BICD1: variants seen among roughly 807,000 people sequenced by gnomAD.
BICD1 encodes protein bicaudal D homolog 1.
Under a neutral mutation model 92.5 loss-of-function variants are expected in BICD1, and 35 were observed. The ratio of observed to expected loss-of-function variants is 0.38; its 90% confidence interval spans 0.29 to 0.50. The LOEUF (loss-of-function observed/expected upper bound fraction) is 0.50. BICD1 is among the 20% of genes least tolerant of loss of function. The pLI, the probability that BICD1 is intolerant of heterozygous loss-of-function variation, is 0.93. For synonymous variants in BICD1, 429 were observed against 465.1 expected, an observed-to-expected ratio of 0.92 and a Z score of 1.00; for missense variants, 950 against 1,189.8, an observed-to-expected ratio of 0.80 and a Z score of 2.97.
chr12:32,142,428 A>AAC (rs1565543572), intron 1 of BICD1, among the ~76,000 whole-genome samples: 6 of 31,016 alleles, frequency 1.9e-4, no homozygotes, highest in African/African-American at 7.2e-4. Flanking sequence ...AAAAAAAAAA[A>AAC]AAACAAAAAA....
intron 1 of BICD1, among the ~76,000 whole-genome samples, chr12:32,132,554 C>T (rs1005795456): frequency 2.0e-5 from 3 of 152,060 alleles, no homozygotes; most frequent in South Asian, 2.1e-4. Flanking sequence ...CAATGCGGGA[C>T]GGTTAGCATC....
intron 2 of BICD1, among the ~76,000 whole-genome samples, chr12:32,227,033 T>G (rs1945718252): frequency 6.6e-6 from 1 of 151,644 alleles, no homozygotes; most frequent in South Asian, 2.1e-4. Context: ...GGAGGTTGAG[T>G]GTAAAGTGGC....
At chr12:32,117,419 T>G (rs1941954361) in intron 1 of BICD1, among the ~76,000 whole-genome samples, 2 of 152,220 alleles carry the variant, frequency 1.3e-5, no homozygotes, top group African/African-American at 4.8e-5. Context: ...ATTTGATGAC[T>G]GTAAACATTT....
chr12:32,215,327 C>T (rs1036833449), intron 1 of BICD1, among the ~76,000 whole-genome samples: 2 of 152,168 alleles, frequency 1.3e-5, no homozygotes, highest in African/African-American at 2.4e-5. Context: ...CCATCTACCC[C>T]GTAAGTGACC....
intron 1 of BICD1, among the ~76,000 whole-genome samples, chr12:32,160,221 C>T (rs1943560362): frequency 6.6e-6 from 1 of 152,178 alleles, no homozygotes; most frequent in Non-Finnish European, 1.5e-5. Flanking sequence ...GGAACCAAGC[C>T]CACCTTTGCC....
intron 5 of BICD1, among the ~76,000 whole-genome samples, chr12:32,330,515 T>C (rs1402815507): frequency 2.6e-5 from 4 of 151,722 alleles, no homozygotes; most frequent in African/African-American, 4.8e-5. Flanking sequence ...ATGGCACATG[T>C]ATACATATGT....
intron 2 of BICD1, among the ~76,000 whole-genome samples, chr12:32,252,085 TAAA>T (rs373910366): frequency 3.9e-5 from 1 of 25,414 alleles, no homozygotes; most frequent in African/African-American, 2.5e-4. Flanking sequence ...TATATATTTA[TAAA>T]TATATATTTA....
At chr12:32,346,443 G>A (rs1338515040) in intron 8 of BICD1, among the ~76,000 whole-genome samples, 1 of 146,822 alleles carries the variant, frequency 6.8e-6, no homozygotes, top group African/African-American at 2.5e-5. Context: ...CTTGAGCCCA[G>A]GAAGCAGAGG....
At chr12:32,367,826 T>C in intron 9 of BICD1, 81 bp downstream of exon 9, 2 of 1,228,946 alleles carry the variant, frequency 1.6e-6, no homozygotes, top group Non-Finnish European at 2.4e-6. Context: ...ACACCTGAAC[T>C]GCCTACGCAT....
rs1948209509 is a variant in BICD1 at position 32,306,139 on chromosome 12, G to C, written c.1005+17G>C. On this transcript the variant is annotated intron_variant, in intron 4 of 9. Coordinates refer to ENST00000652176, the MANE Select transcript of BICD1 (RefSeq NM_001714.4). ...CTTATGCAGGTAAGAACTTTGTTTA[G>C]GGCCGCTAGAGTGAATTTCTTGTAG... is the stretch of plus-strand genomic sequence containing the variant. 3.2e-6 allele frequency: 5 copies of C among 1,549,194 alleles called. No individual in the cohort carries two copies. In the South Asian group the frequency reaches 5.1e-5, roughly 16 times the overall value.
At chr12:32,188,229 C>T (rs1029772090) in intron 1 of BICD1, among the ~76,000 whole-genome samples, 3 of 152,260 alleles carry the variant, frequency 2.0e-5, no homozygotes, top group South Asian at 2.1e-4. Flanking sequence ...TGAGCCACTG[C>T]GCCTGGCCAA....
Position 32,132,650 on chromosome 12 carries a change from C to T in BICD1, c.213+25106C>T, listed in dbSNP as rs943194789. Among the ~76,000 whole-genome samples the T allele has an allele frequency of 1.6e-4, 24 of 152,104 alleles. 1 individual carries two copies. The highest frequency in any genetic ancestry group is 3.2e-4 in the Non-Finnish European group (22 of 68,016). Reference sequence around the variant, plus strand: ...GCCAAGGGGGCAGTACTGCCTTCAACCAGGACCCCAAAAGACTCCAGTGTG... The same window carrying T: ...GCCAAGGGGGCAGTACTGCCTTCAATCAGGACCCCAAAAGACTCCAGTGTG... On this transcript the variant is annotated intron_variant, in intron 1 of 9. Coordinates refer to ENST00000652176, the MANE Select transcript of BICD1 (RefSeq NM_001714.4).
chr12:32,221,044 T>C (rs533210946), intron 2 of BICD1, among the ~76,000 whole-genome samples: 7 of 131,482 alleles, frequency 5.3e-5, no homozygotes, highest in African/African-American at 2.0e-4. Context: ...AATTGAACAA[T>C]GAGAACACAT....
chr12:32,276,009 C>T (rs1387297546), intron 2 of BICD1, among the ~76,000 whole-genome samples: 3 of 152,132 alleles, frequency 2.0e-5, no homozygotes, highest in Admixed American at 6.5e-5. Flanking sequence ...TTGGAAGCGG[C>T]TTGCCACCAT....
intron 5 of BICD1, among the ~76,000 whole-genome samples, chr12:32,331,780 G>C (rs1018225044): frequency 6.6e-6 from 1 of 152,138 alleles, no homozygotes; most frequent in African/African-American, 2.4e-5. Context: ...TTACATTAGA[G>C]TTACAGTCTA....
intron 2 of BICD1, among the ~76,000 whole-genome samples, chr12:32,221,826 A>G (rs17588823): frequency 0.062 from 9,472 of 152,250 alleles, 466 homozygotes; most frequent in Non-Finnish European, 0.09. Context: ...GGCAGAGTGA[A>G]GAAATCTCTG....
chr12:32,220,040 A>G (rs1316496141), intron 2 of BICD1, among the ~76,000 whole-genome samples: 1 of 152,250 alleles, frequency 6.6e-6, no homozygotes, highest in Non-Finnish European at 1.5e-5. Context: ...GGCTAGCCAT[A>G]TGTAGAAAGC....
chr12:32,343,303 G>A (rs982140364), intron 8 of BICD1, among the ~76,000 whole-genome samples: 18 of 151,812 alleles, frequency 1.2e-4, no homozygotes, highest in African/African-American at 3.9e-4. Flanking sequence ...AACTACCTAG[G>A]CCTATATCCT....
intron 1 of BICD1, among the ~76,000 whole-genome samples, chr12:32,154,844 A>C (rs1943392484): frequency 6.6e-6 from 1 of 152,174 alleles, no homozygotes; most frequent in Non-Finnish European, 1.5e-5. Context: ...CACCTTAATC[A>C]TACACTAAAT....
Sources: allele counts gnomAD v4.1 joint callset (sites outside exome capture counted in the v4.1 genomes callset), GRCh38; gene constraint gnomAD v4.1.1; transcripts MANE v1.5; gene names NCBI Gene and HGNC (gene_info 2026-07-23, HGNC 2026-07-21).